The following SH3RF3 variants were observed in gnomAD, a reference collection of about 807,000 sequenced individuals.
The protein encoded by SH3RF3 is SH3 domain containing ring finger 3, also known as E3 ubiquitin-protein ligase SH3RF3.
In SH3RF3, 29 loss-of-function variants were observed where a neutral mutation model predicts 66.3. The observed-to-expected ratio is 0.44, with a 90% CI of 0.33 to 0.60. The LOEUF (loss-of-function observed/expected upper bound fraction) is 0.60. SH3RF3 is among the 20% of genes least tolerant of loss of function. SH3RF3 has a pLI of 0.04. For synonymous variants in SH3RF3, 583 were observed against 532.0 expected (o/e 1.10, Z -1.32); for missense variants, 1,194 against 1,190.9 (o/e 1.00, Z -0.04).
At chr2:109,325,331 C>CTTTTTTTTT (rs11298946) in intron 1 of SH3RF3, among the ~76,000 whole-genome samples, 21 of 66,260 alleles carry the variant, frequency 3.2e-4, no homozygotes, top group Non-Finnish European at 4.3e-4. Context: ...TTCTTTCTTT[C>CTTTTTTTTT]TTTTTTTTTT....
chr2:109,469,697 A>C (rs190327120), intron 8 of SH3RF3, among the ~76,000 whole-genome samples: 36 of 152,356 alleles, frequency 2.4e-4, no homozygotes, highest in African/African-American at 8.7e-4. Context: ...CAACAAGCAA[A>C]TAGTAATAAG....
At chr2:109,336,483 C>T (rs10177690) in intron 1 of SH3RF3, among the ~76,000 whole-genome samples, 12,278 of 152,156 alleles carry the variant, frequency 0.081, 1,171 homozygotes, top group African/African-American at 0.23. Context: ...GGTGTGCCCA[C>T]GGCTAGCACG....
intron 1 of SH3RF3, among the ~76,000 whole-genome samples, chr2:109,196,297 C>G (rs1678498407): frequency 6.6e-6 from 1 of 152,222 alleles, no homozygotes; most frequent in Admixed American, 6.5e-5. Context: ...AGGCCAGCAG[C>G]CCTGGATTGG....
At chr2:109,488,641 C>G (rs1427356501) in intron 8 of SH3RF3, among the ~76,000 whole-genome samples, 2 of 152,184 alleles carry the variant, frequency 1.3e-5, no homozygotes, top group Non-Finnish European at 2.9e-5. Flanking sequence ...CAAGCAGTTC[C>G]CGATGTGTGT....
Position 109,392,540 on chromosome 2 carries a change from C to T in SH3RF3, c.946-6050C>T, listed in dbSNP as rs115263020. ...CTTTTTTTTTTTGGAGACGGAGTCT[C>T]GCACTGTTGCCCAGGCTGAGTGCAG... On this transcript the variant is annotated intron_variant, in intron 3 of 9. Coordinates refer to ENST00000309415, the MANE Select transcript of SH3RF3 (RefSeq NM_001099289.3). 6.3e-3 allele frequency among the ~76,000 whole-genome samples: 958 copies of T among 151,886 alleles called. 13 individuals carry two copies. The highest frequency in any genetic ancestry group is 0.022 in the African/African-American group (900 of 41,408).
intron 3 of SH3RF3, among the ~76,000 whole-genome samples, chr2:109,385,328 A>G (rs920354056): frequency 6.6e-6 from 1 of 152,234 alleles, no homozygotes. Context: ...ACTTAATTGT[A>G]GTTTGGGGGC....
intron 1 of SH3RF3, among the ~76,000 whole-genome samples, chr2:109,305,920 C>A (rs1454277249): frequency 6.7e-6 from 1 of 150,104 alleles, no homozygotes; most frequent in Non-Finnish European, 1.5e-5. Flanking sequence ...CTTTGGGCTG[C>A]TCCTCCAGCT....
intron 3 of SH3RF3, among the ~76,000 whole-genome samples, chr2:109,384,874 T>C (rs76238119): frequency 0.47 from 71,951 of 151,670 alleles, 17,134 homozygotes; most frequent in Middle Eastern, 0.55. Flanking sequence ...AGGGTCCCAC[T>C]TCCCCCACAG....
chr2:109,135,551 C>G (rs936665693), intron 1 of SH3RF3, among the ~76,000 whole-genome samples: 2 of 152,214 alleles, frequency 1.3e-5, no homozygotes, highest in Non-Finnish European at 2.9e-5. Context: ...ATCTTCAAGT[C>G]TCTTATCACG....
At chr2:109,467,196 G>T (rs922574678) in intron 8 of SH3RF3, among the ~76,000 whole-genome samples, 1 of 152,254 alleles carries the variant, frequency 6.6e-6, no homozygotes, top group Non-Finnish European at 1.5e-5. Context: ...GGGATCCGTA[G>T]CAGCTTTATT....
chr2:109,160,578 C>T (rs1370311484), intron 1 of SH3RF3, among the ~76,000 whole-genome samples: 1 of 152,138 alleles, frequency 6.6e-6, no homozygotes, highest in Non-Finnish European at 1.5e-5. Context: ...GCAGTAACTC[C>T]AAGAGGTAAG....
intron 2 of SH3RF3, among the ~76,000 whole-genome samples, chr2:109,362,398 T>C (rs1273110664): frequency 2.0e-5 from 3 of 152,256 alleles, no homozygotes; most frequent in Non-Finnish European, 4.4e-5. Flanking sequence ...TATGGATGTC[T>C]AATTTAATGC....
chr2:109,394,400 A>T (rs1008054559), intron 3 of SH3RF3, among the ~76,000 whole-genome samples: 1 of 152,068 alleles, frequency 6.6e-6, no homozygotes, highest in Non-Finnish European at 1.5e-5. Context: ...CTCCCACCCC[A>T]TCCGGTTTCA....
rs549517681 is a variant in SH3RF3, at chr2:109,393,247, C to T, written c.946-5343C>T. 3.3e-5 allele frequency among the ~76,000 whole-genome samples: 5 copies of T among 152,358 alleles called. No individual in the cohort carries two copies. In the Middle Eastern group the frequency reaches 0.014, roughly 415 times the overall value. The stretch of plus-strand genomic sequence containing the variant: ...GGTAAGGCGAACGCCCCACAGGAGT[C>T]TCTGGAACATGTGAGTCTGGTCCAT... On this transcript the variant is annotated intron_variant, in intron 3 of 9. Coordinates refer to ENST00000309415, the MANE Select transcript of SH3RF3 (RefSeq NM_001099289.3).
intron 1 of SH3RF3, among the ~76,000 whole-genome samples, chr2:109,143,185 G>C (rs1233800347): frequency 6.6e-6 from 1 of 152,128 alleles, no homozygotes; most frequent in African/African-American, 2.4e-5. Context: ...TTGTCAAGTG[G>C]TGCATATAGA....
intron 1 of SH3RF3, among the ~76,000 whole-genome samples, chr2:109,299,460 C>T (rs1280083304): frequency 2.6e-5 from 4 of 151,868 alleles, no homozygotes. Flanking sequence ...AGTCTGCCAG[C>T]CACCAGGGCC....
At chr2:109,405,287 A>C (rs549044336) in intron 4 of SH3RF3, among the ~76,000 whole-genome samples, 26 of 152,182 alleles carry the variant, frequency 1.7e-4, no homozygotes, top group African/African-American at 5.1e-4. Flanking sequence ...TCTGTTCCTC[A>C]AGGAGTCACC....
intron 1 of SH3RF3, among the ~76,000 whole-genome samples, chr2:109,268,856 A>G (rs959431653): frequency 1.3e-5 from 2 of 152,154 alleles, no homozygotes; most frequent in African/African-American, 4.8e-5. Flanking sequence ...GGTTGGGTGT[A>G]TTCAATGAAT....
At chr2:109,148,636 G>A (rs1019902926) in intron 1 of SH3RF3, among the ~76,000 whole-genome samples, 1 of 152,204 alleles carries the variant, frequency 6.6e-6, no homozygotes, top group African/African-American at 2.4e-5. Context: ...TAGTCAGGCA[G>A]AAGCCACAGC....
Sources: gnomAD v4.1 joint callset for allele counts (sites outside exome capture counted in the v4.1 genomes callset) on GRCh38, gnomAD v4.1.1 for gene constraint, MANE v1.5 for transcripts, NCBI Gene and HGNC (gene_info 2026-07-23, HGNC 2026-07-21) for gene names.